DOP1A: variants seen among roughly 807,000 people sequenced by gnomAD.
The protein encoded by DOP1A is DOP1 leucine zipper like protein A, also known as protein DOP1A.
A neutral mutation model predicts 267.6 loss-of-function variants in DOP1A; 90 were observed. That is an observed-to-expected ratio of 0.34 (90% CI 0.28 to 0.40). The LOEUF (loss-of-function observed/expected upper bound fraction) is 0.40, where lower values mean the gene tolerates loss of function less well. DOP1A is among the 10% of genes least tolerant of loss of function. The pLI, the probability that DOP1A is intolerant of heterozygous loss-of-function variation, is 1.00. For synonymous variants in DOP1A, 932 were observed against 999.1 expected, an observed-to-expected ratio of 0.93 and a Z score of 1.27; for missense variants, 2,437 against 2,900.4, an observed-to-expected ratio of 0.84 and a Z score of 3.67.
At chr6:83,093,932 A>AAT (rs1554226026) in intron 1 of DOP1A, among the ~76,000 whole-genome samples, 2 of 152,118 alleles carry the variant, frequency 1.3e-5, no homozygotes, top group Non-Finnish European at 2.9e-5. Flanking sequence ...ACAAACAAAA[A>AAT]ATATATATAT....
Position 83,120,726 on chromosome 6 carries a change from A to G in DOP1A, c.1034A>G (p.Asn345Ser), listed in dbSNP as rs1562321264. 3 of 1,586,900 alleles carry G rather than the reference A, an allele frequency of 1.9e-6. No homozygotes were observed. Among genetic ancestry groups the G allele is most frequent in the East Asian group, 2.2e-5 (1 of 44,646 alleles). ...CAAGTGAATGGATTTGGAGAAGAGA[A>G]CACTCTAATGCAGGATCTAAAGCCT... is the stretch of plus-strand genomic sequence containing the variant. The part of the protein sequence containing the change: ...ILQVNGFGEE[N>S]TLMQDLKPFR... Residue 345 changes from asparagine to serine, a missense_variant, in exon 10 of 39, where the codon AAC becomes AGC. Asn to Ser is a conservative substitution (Grantham distance 46). Around this residue, in one of 9 missense-constraint regions of DOP1A, gnomAD observed 498 missense variants for 513.5 expected, o/e 0.97. Transcript: ENST00000349129.
At position 83,124,830 on chromosome 6, in the gene DOP1A, C is replaced by G; in HGVS notation, c.1455+11C>G. On this transcript the variant is annotated intron_variant, in intron 13 of 38. Coordinates refer to ENST00000349129, the MANE Select transcript of DOP1A (RefSeq NM_015018.4). ...GACATAGTTTCTTTGGTAAGACCAC[C>G]TTGGTAAGAAAATATCAAGGAAATC... 6.3e-7 allele frequency: 1 copy of G among 1,590,094 alleles called. No individual in the cohort carries two copies. Among genetic ancestry groups the G allele is most frequent in the Non-Finnish European group, 8.6e-7 (1 of 1,161,146 alleles).
At chr6:83,108,051 G>C (rs1389175050) in intron 4 of DOP1A, among the ~76,000 whole-genome samples, 2 of 152,244 alleles carry the variant, frequency 1.3e-5, no homozygotes, top group African/African-American at 4.8e-5. Context: ...TGAAGAGCAA[G>C]ATATGATAGC....
At chr6:83,156,600 A>C (rs1782851722) in intron 34 of DOP1A, among the ~76,000 whole-genome samples, 1 of 152,104 alleles carries the variant, frequency 6.6e-6, no homozygotes. Context: ...ACGTGTCATC[A>C]CCCTGTACCA....
In DOP1A at chr6:83,067,797, C is replaced by G. The variant is rs537479573; in HGVS notation, c.-147+18C>G. 1 of 152,330 alleles carries G rather than the reference C, an allele frequency of 6.6e-6. No homozygotes were observed. The highest frequency in any genetic ancestry group is 2.4e-5 in the African/African-American group (1 of 41,468). The allele number at this position is 152,330 out of a possible 1,614,324, so 9.4% of individuals were successfully genotyped here. A position where few individuals can be genotyped will look rare whatever the true frequency, so the allele number is the denominator to read the frequency against. The stretch of plus-strand genomic sequence containing the variant: ...AGCAGCAGGTAAAAGCGTCCCTGCC[C>G]CCAGTGCGGCCGCTAGGCTGGTAGC... On this transcript the variant is annotated intron_variant, in intron 1 of 38. Coordinates refer to ENST00000349129, the MANE Select transcript of DOP1A (RefSeq NM_015018.4).
At chr6:83,097,746 C>T (rs1177805261) in intron 3 of DOP1A, among the ~76,000 whole-genome samples, 2 of 151,490 alleles carry the variant, frequency 1.3e-5, no homozygotes, top group East Asian at 1.9e-4. Flanking sequence ...TACTGCATAC[C>T]CATAGTTAAG....
chr6:83,085,778 T>G (rs371699144), intron 1 of DOP1A, among the ~76,000 whole-genome samples: 17 of 142,958 alleles, frequency 1.2e-4, no homozygotes, highest in Non-Finnish European at 2.3e-4. Flanking sequence ...TTTGCGGTAT[T>G]TTATGTTATG....
chr6:83,096,204 C>A (rs1431155747), intron 1 of DOP1A, among the ~76,000 whole-genome samples: 1 of 151,932 alleles, frequency 6.6e-6, no homozygotes, highest in African/African-American at 2.4e-5. Context: ...CCTCTCACTT[C>A]AGCCTCTTGA....
chr6:83,121,871 A>G (rs1023750903), intron 10 of DOP1A, 59 bp from the exon 11 acceptor site: 5 of 1,502,738 alleles, frequency 3.3e-6, no homozygotes, highest in Admixed American at 4.3e-5. Context: ...CAATTTTCAG[A>G]TAAGCATGAT....
At chr6:83,076,823 T>C (rs1033716070) in intron 1 of DOP1A, among the ~76,000 whole-genome samples, 26 of 152,366 alleles carry the variant, frequency 1.7e-4, no homozygotes, top group Admixed American at 5.2e-4. Flanking sequence ...CACACCCATG[T>C]TGATAGCAGC....
intron 7 of DOP1A, among the ~76,000 whole-genome samples, chr6:83,114,999 T>G (rs1176044548): frequency 6.6e-6 from 1 of 152,158 alleles, no homozygotes; most frequent in African/African-American, 2.4e-5. Flanking sequence ...TTTCTATGTC[T>G]TACATATAAT....
intron 30 of DOP1A, among the ~76,000 whole-genome samples, chr6:83,152,838 G>A (rs1391465745): frequency 2.6e-5 from 4 of 151,816 alleles, no homozygotes; most frequent in African/African-American, 7.3e-5. Flanking sequence ...GGCTGGTCTC[G>A]AACTCCTGAC....
intron 1 of DOP1A, among the ~76,000 whole-genome samples, chr6:83,086,538 G>C (rs1769280777): frequency 6.6e-6 from 1 of 152,058 alleles, no homozygotes; most frequent in South Asian, 2.1e-4. Flanking sequence ...CTGTACCTCA[G>C]CATTTAAAAT....
intron 4 of DOP1A, among the ~76,000 whole-genome samples, chr6:83,105,640 G>A (rs905454886): frequency 6.6e-6 from 1 of 152,102 alleles, no homozygotes; most frequent in South Asian, 2.1e-4. Flanking sequence ...TGAGGTTACA[G>A]GCGTGAGCCA....
chr6:83,163,190 T>C (rs2128431265), intron 38 of DOP1A, among the ~76,000 whole-genome samples: 1 of 152,242 alleles, frequency 6.6e-6, no homozygotes. Flanking sequence ...TACCTTAAAA[T>C]GTTTTCCCCT....
chr6:83,171,333 T>TA (rs1457135003), downstream of DOP1A: 2 of 152,174 alleles, frequency 1.3e-5, no homozygotes, highest in African/African-American at 4.8e-5. Context: ...TTTTCCATAA[T>TA]AAAATCTCTT....
In DOP1A at chr6:83,135,805, T is replaced by C. The variant is rs141162251; in HGVS notation, c.3057T>C (p.Tyr1019=). 5.3e-5 allele frequency: 85 copies of C among 1,613,700 alleles called. 1 individual carries two copies. In the African/African-American group the frequency reaches 7.6e-4, roughly 14 times the overall value. ...TACAGCGTGTACAAGCAGAACGTTA[T>C]TGGAATAAGTCTCCCTGTTATCCAG... The part of the protein sequence containing the change: ...VSVQRVQAER[Y]WNKSPCYPGE... The change falls in exon 20 of 39, where the codon TAT becomes TAC. Residue 1019 remains tyrosine (Y), a synonymous_variant. Coordinates refer to ENST00000349129, the MANE Select transcript of DOP1A (RefSeq NM_015018.4).
intron 1 of DOP1A, among the ~76,000 whole-genome samples, chr6:83,086,937 G>GTTTT (rs1562277854): frequency 6.6e-6 from 1 of 152,174 alleles, no homozygotes; most frequent in African/African-American, 2.4e-5. Context: ...TTTAGTTTTA[G>GTTTT]ACCATGAGAG....
intron 25 of DOP1A, 35 bp downstream of exon 25, chr6:83,145,693 T>A (rs2128299319): frequency 6.3e-7 from 1 of 1,598,828 alleles, no homozygotes; most frequent in East Asian, 2.2e-5. Context: ...GTGTTTACAA[T>A]TCTGTTTCAG....
Sources: allele counts gnomAD v4.1 joint callset (sites outside exome capture counted in the v4.1 genomes callset), GRCh38; gene constraint gnomAD v4.1.1; regional missense constraint gnomAD v4.1.1; transcripts MANE v1.5; gene names NCBI Gene and HGNC (gene_info 2026-07-23, HGNC 2026-07-21).